ADAMTS20: variants seen among roughly 807,000 people sequenced by gnomAD.
ADAMTS20 encodes ADAM metallopeptidase with thrombospondin type 1 motif 20, also known as A disintegrin and metalloproteinase with thrombospondin motifs 20.
A neutral mutation model predicts 260.1 loss-of-function variants in ADAMTS20; 225 were observed. The observed-to-expected ratio is 0.87, with a 90% CI of 0.78 to 0.97. The LOEUF (loss-of-function observed/expected upper bound fraction) is 0.97. ADAMTS20 is among the 50% of genes least tolerant of loss of function. The pLI is 0.00. For synonymous variants in ADAMTS20, 802 were observed against 769.5 expected (o/e 1.04, Z -0.70); for missense variants, 2,400 against 2,337.7 (o/e 1.03, Z -0.55).
Position 43,429,612 on chromosome 12 carries a change from C to A in ADAMTS20, c.3489+5G>T. ...ACACTGTATCTATTAAAGAAATTCACTTACTGGGGTCCAAGAACCATGTCG... is the reference window on the plus strand; with the variant it reads ...ACACTGTATCTATTAAAGAAATTCAATTACTGGGGTCCAAGAACCATGTCG... On this transcript the variant is annotated splice_donor_5th_base_variant and intron_variant, in intron 24 of 38. Transcript: ENST00000389420. 1 of 1,575,806 alleles carries A rather than the reference C, an allele frequency of 6.3e-7. No homozygotes were observed. The highest frequency in any genetic ancestry group is 1.2e-5 in the South Asian group (1 of 85,424).
Position 43,439,513 on chromosome 12 carries a change from TGTGTATGGACAGTG to T in ADAMTS20, c.2593+95_2593+108del, listed in dbSNP as rs548166861. ...AAAACTTTTGTATGTCTGTGGGATA[TGTGTATGGACAGTG>T]GGGAGGATTCCATAGGCAGCCAAGA... On this transcript the variant is annotated intron_variant, in intron 18 of 38. Coordinates refer to ENST00000389420, the MANE Select transcript of ADAMTS20 (RefSeq NM_025003.5). The T allele has an allele frequency of 1.0e-3, 1,285 of 1,253,110 alleles. 18 individuals are homozygous for T. The South Asian group carries it at 0.019, about 19-fold the overall frequency. The allele number at this position is 1,253,110 out of a possible 1,614,324, so 77.6% of individuals were successfully genotyped here.
At chr12:43,514,390 C>T (rs1478739197) in intron 3 of ADAMTS20, among the ~76,000 whole-genome samples, 1 of 151,446 alleles carries the variant, frequency 6.6e-6, no homozygotes, top group Admixed American at 6.6e-5. Context: ...TGGGAAACCC[C>T]ATCTATACTA....
chr12:43,503,542 T>A (rs549800025), intron 3 of ADAMTS20, among the ~76,000 whole-genome samples: 45 of 152,186 alleles, frequency 3.0e-4, no homozygotes, highest in African/African-American at 8.4e-4. Flanking sequence ...ATAAAAAATT[T>A]TATTCGTCTT....
intron 7 of ADAMTS20, among the ~76,000 whole-genome samples, chr12:43,471,076 G>A (rs1273705003): frequency 1.3e-5 from 2 of 152,064 alleles, no homozygotes; most frequent in African/African-American, 4.8e-5. Flanking sequence ...CTGAGGTACC[G>A]GGTTCATCTC....
chr12:43,490,424 C>G lies in ADAMTS20; in HGVS notation c.1088G>C (p.Cys363Ser). The G allele has an allele frequency of 1.5e-6, 2 of 1,297,712 alleles. No homozygotes were observed. The highest frequency in any genetic ancestry group is 2.1e-6 in the Non-Finnish European group (2 of 962,594). The allele number at this position is 1,297,712 out of a possible 1,614,324, so 80.4% of individuals were successfully genotyped here. The change falls in exon 7 of 39, where the codon TGT (cysteine) becomes TCT (serine). Residue 363 changes from cysteine (C) to serine (S), a missense_variant. Cys to Ser is a moderately radical substitution (Grantham distance 112). Transcript: ENST00000389420. ...CATGTTACATTTCTCTTTAGATGAACAAATGTCTTCCCTTAAAATAAAAGA... is the reference window on the plus strand; with the variant it reads ...CATGTTACATTTCTCTTTAGATGAAGAAATGTCTTCCCTTAAAATAAAAGA... ...TAVLITREDI[C>S]SSKEKCNMLG... is the part of the protein sequence containing the mutation.
chr12:43,443,271 G>A (rs1486430950), intron 16 of ADAMTS20, among the ~76,000 whole-genome samples: 1 of 152,072 alleles, frequency 6.6e-6, no homozygotes, highest in South Asian at 2.1e-4. Context: ...CATAAATTAA[G>A]TTTATACTTT....
rs774794131 is a variant in ADAMTS20, at chr12:43,399,177, T to C, written c.4341A>G (p.Gln1447=). The C allele has an allele frequency of 1.5e-5, 24 of 1,580,474 alleles. No homozygotes were observed. The highest frequency in any genetic ancestry group is 1.7e-4 in the Middle Eastern group (1 of 6,020). Residue 1447 remains glutamine, a synonymous_variant, in exon 29 of 39, where the codon CAA becomes CAG. Coordinates refer to ENST00000389420, the MANE Select transcript of ADAMTS20 (RefSeq NM_025003.5). ...RKYREVFCID[Q]FQRKLEDTNC... ...TTGTGTCTTCTAATTTCCTTTGGAATTGGTCAATGCAAAACACTTCACGGT... is the reference window on the plus strand; with the variant it reads ...TTGTGTCTTCTAATTTCCTTTGGAACTGGTCAATGCAAAACACTTCACGGT...
At chr12:43,450,714 A>G (rs889251828) in intron 14 of ADAMTS20, among the ~76,000 whole-genome samples, 2 of 152,108 alleles carry the variant, frequency 1.3e-5, no homozygotes, top group African/African-American at 2.4e-5. Context: ...TTATACTTAT[A>G]TTTTTAATTA....
At chr12:43,356,334 T>C (rs763812604) in intron 38 of ADAMTS20, 150 bp downstream of exon 38, 1 of 492,104 alleles carries the variant, frequency 2.0e-6, no homozygotes, top group Non-Finnish European at 3.6e-6. Context: ...AAATTAATGT[T>C]GTGCTCCATT....
chr12:43,396,606 AG>A (rs1940709237), intron 29 of ADAMTS20, among the ~76,000 whole-genome samples: 1 of 152,202 alleles, frequency 6.6e-6, no homozygotes, highest in Admixed American at 6.5e-5. Context: ...TTCTATGACA[AG>A]GAAAACTAAT....
intron 2 of ADAMTS20, among the ~76,000 whole-genome samples, chr12:43,549,414 T>C (rs972875390): frequency 1.3e-5 from 2 of 151,964 alleles, no homozygotes; most frequent in Non-Finnish European, 2.9e-5. Flanking sequence ...AGGATATTGA[T>C]CATAAATATA....
intron 3 of ADAMTS20, among the ~76,000 whole-genome samples, chr12:43,528,991 AAGTCCATGAATAGAC>A (rs1943184879): frequency 1.3e-5 from 2 of 152,202 alleles, no homozygotes; most frequent in Non-Finnish European, 2.9e-5. Context: ...AAAGTGGGCA[AAGTCCATGAATAGAC>A]AGTTCTCAAA....
chr12:43,394,058 G>A (rs1180962032), intron 29 of ADAMTS20, among the ~76,000 whole-genome samples: 1 of 152,088 alleles, frequency 6.6e-6, no homozygotes, highest in Non-Finnish European at 1.5e-5. Context: ...GTATGAAGAT[G>A]TGAGGACTGG....
At chr12:43,457,239 G>C (rs2137362812) in intron 11 of ADAMTS20, among the ~76,000 whole-genome samples, 1 of 152,002 alleles carries the variant, frequency 6.6e-6, no homozygotes, top group African/African-American at 2.4e-5. Flanking sequence ...ATTTTCTTCT[G>C]TTGTTTTTTC....
chr12:43,459,332 A>G (rs906164429), intron 11 of ADAMTS20, among the ~76,000 whole-genome samples: 2 of 152,194 alleles, frequency 1.3e-5, no homozygotes, highest in Non-Finnish European at 2.9e-5. Flanking sequence ...GCCTGGGTTC[A>G]TCCTAATCAG....
chr12:43,551,221 C>T lies in ADAMTS20; in HGVS notation c.141G>A (p.Arg47=), dbSNP rs1943511985. The T allele has an allele frequency of 6.2e-7, 1 of 1,613,748 alleles. No homozygotes were observed. Among genetic ancestry groups the T allele is most frequent in the Non-Finnish European group, 8.5e-7 (1 of 1,179,874 alleles). Residue 47 remains arginine (R), a synonymous_variant, in exon 2 of 39, where the codon CGG becomes CGA. Transcript: ENST00000389420. The surrounding 1 kb of genome is among the most constrained non-coding windows in gnomAD (Gnocchi z 4.6). Reference sequence around the variant, plus strand: ...GGAACACTTCTCCAAACTCATTGACCCGCTCGGGGATCACTACTTCGTAGG... The same window carrying T: ...GGAACACTTCTCCAAACTCATTGACTCGCTCGGGGATCACTACTTCGTAGG... ...LTSYEVVIPE[R]VNEFGEVFPQ...
chr12:43,368,431 T>C (rs976901003), intron 37 of ADAMTS20, among the ~76,000 whole-genome samples: 4 of 152,104 alleles, frequency 2.6e-5, no homozygotes, highest in Non-Finnish European at 5.9e-5. Flanking sequence ...GTAGTTCTAG[T>C]GTCTCTTGAT....
Position 43,551,026 on chromosome 12 carries a change from C to A in ADAMTS20, c.336G>T (p.Pro112=). 6.2e-7 allele frequency: 1 copy of A among 1,613,814 alleles called. No individual in the cohort carries two copies. Among genetic ancestry groups the A allele is most frequent in the Non-Finnish European group, 8.5e-7 (1 of 1,179,804 alleles). The change falls in exon 2 of 39, where the codon CCG becomes CCT. Residue 112 remains proline, a synonymous_variant. Transcript: ENST00000389420. This position sits in a 1 kb window ranked among gnomAD's most constrained non-coding sequence, Gnocchi z 4.6. The stretch of plus-strand genomic sequence containing the variant: ...CGTCGCTCTCCCAGGCCCCGCGCTC[C>A]GGGGTTCCCAAGTGCACCTCGGTGT... ...AGYTEVHLGT[P]ERGAWESDAG...
intron 28 of ADAMTS20, among the ~76,000 whole-genome samples, chr12:43,405,737 G>A (rs1272440521): frequency 6.6e-6 from 1 of 152,054 alleles, no homozygotes; most frequent in Non-Finnish European, 1.5e-5. Context: ...GGCTTTTGAA[G>A]TTTTCTGATT....
Sources: allele counts gnomAD v4.1 joint callset (sites outside exome capture counted in the v4.1 genomes callset), GRCh38; gene constraint gnomAD v4.1.1; non-coding constraint Gnocchi (gnomAD v3.1); transcripts MANE v1.5; gene names NCBI Gene and HGNC (gene_info 2026-07-23, HGNC 2026-07-21).